PRDM2: variants seen among roughly 807,000 people sequenced by gnomAD.
PRDM2 encodes the protein PR/SET domain 2.
A neutral mutation model predicts 130.0 loss-of-function variants in PRDM2; 30 were observed. That is an observed-to-expected ratio of 0.23 (90% confidence interval 0.17 to 0.31). PRDM2 has a LOEUF of 0.31. Among genes scored for constraint, PRDM2 ranks in the 10% least tolerant of loss-of-function variants. The pLI, the probability that PRDM2 is intolerant of heterozygous loss-of-function variation, is 1.00. For synonymous variants in PRDM2, 871 were observed against 782.4 expected, an observed-to-expected ratio of 1.11 and a Z score of -1.89; for missense variants, 2,011 against 2,108.4, an observed-to-expected ratio of 0.95 and a Z score of 0.90.
intron 6 of PRDM2, among the ~76,000 whole-genome samples, chr1:13,754,589 T>G (rs1643905421): frequency 6.6e-6 from 1 of 152,238 alleles, no homozygotes; most frequent in South Asian, 2.1e-4. Context: ...AAAGTTGAAC[T>G]TAGAGAATAC....
At position 13,778,990 on chromosome 1, in the gene PRDM2, T is replaced by C; in HGVS notation, c.1195T>C (p.Phe399Leu). 1 of 1,614,208 alleles carries C rather than the reference T, an allele frequency of 6.2e-7. No individual in the cohort carries two copies. Among genetic ancestry groups the C allele is most frequent in the Non-Finnish European group, 8.5e-7 (1 of 1,180,020 alleles). Reference sequence around the variant, plus strand: ...CAAATGCAAGTACTGTGGGAAAGCCTTTGGCACACAGATTAACCGGCGGCG... The same window carrying C: ...CAAATGCAAGTACTGTGGGAAAGCCCTTGGCACACAGATTAACCGGCGGCG... ...AFKCKYCGKA[F>L]GTQINRRRHE... is the part of the protein sequence containing the mutation. The change falls in exon 8 of 10, where the codon TTT becomes CTT. Residue 399 changes from phenylalanine to leucine, a missense_variant. Transcript: ENST00000311066.
intron 7 of PRDM2, among the ~76,000 whole-genome samples, chr1:13,774,946 CGACA>C (rs761268912): frequency 3.2e-4 from 47 of 147,610 alleles, no homozygotes; most frequent in Non-Finnish European, 5.9e-4. Flanking sequence ...CCAGCCTGGG[CGACA>C]GAGCGAGACT....
intron 8 of PRDM2, among the ~76,000 whole-genome samples, chr1:13,798,049 C>A (rs2100723725): frequency 6.6e-6 from 1 of 152,184 alleles, no homozygotes; most frequent in South Asian, 2.1e-4. Context: ...GAGTCAGGGG[C>A]AGCTCAGGAG....
intron 6 of PRDM2, among the ~76,000 whole-genome samples, chr1:13,759,134 G>T (rs1167497984): frequency 6.6e-6 from 1 of 150,676 alleles, no homozygotes; most frequent in Non-Finnish European, 1.5e-5. Context: ...AACTAATTCA[G>T]CATTGCTTAG....
At chr1:13,756,994 A>G (rs1158920615) in intron 6 of PRDM2, among the ~76,000 whole-genome samples, 1 of 152,252 alleles carries the variant, frequency 6.6e-6, no homozygotes, top group Non-Finnish European at 1.5e-5. Context: ...TGATGTTTCT[A>G]AGTAGGACAG....
At chr1:13,754,360 G>A (rs1379229685) in intron 6 of PRDM2, among the ~76,000 whole-genome samples, 2 of 152,124 alleles carry the variant, frequency 1.3e-5, no homozygotes, top group South Asian at 2.1e-4. Context: ...TGACAGCCAC[G>A]CACAGGTCAG....
intron 8 of PRDM2, among the ~76,000 whole-genome samples, chr1:13,784,214 A>T (rs1644686637): frequency 6.6e-6 from 1 of 152,174 alleles, no homozygotes; most frequent in Non-Finnish European, 1.5e-5. Context: ...GAAAATAAGC[A>T]CCTGTGTTAT....
intron 6 of PRDM2, among the ~76,000 whole-genome samples, chr1:13,767,922 A>G (rs1644265818): frequency 6.6e-6 from 1 of 152,084 alleles, no homozygotes; most frequent in African/African-American, 2.4e-5. Context: ...GCTGCAGTGA[A>G]TCGAGATCAT....
Position 13,771,823 on chromosome 1 carries a change from A to G in PRDM2, c.512-1255A>G, listed in dbSNP as rs950175119. 1.3e-5 allele frequency: 2 copies of G among 152,178 alleles called. No individual in the cohort carries two copies. 9.4% of individuals were successfully genotyped at this position (152,178 alleles called of 1,614,324 possible). A position where few individuals can be genotyped will look rare whatever the true frequency, so the allele number is the denominator to read the frequency against. Reference sequence around the variant, plus strand: ...AATGACTGTTAAGGTTATGTCTCAAATTTTTGTCAAAATCTGGTGGTGTTT... The same window carrying G: ...AATGACTGTTAAGGTTATGTCTCAAGTTTTTGTCAAAATCTGGTGGTGTTT... On this transcript the variant is annotated intron_variant, in intron 6 of 9. Transcript: ENST00000311066. The surrounding 1 kb of genome is among the most constrained non-coding windows in gnomAD (Gnocchi z 4.1).
intron 8 of PRDM2, among the ~76,000 whole-genome samples, chr1:13,786,270 T>G (rs16852955): frequency 0.021 from 2,731 of 130,196 alleles, 84 homozygotes; most frequent in African/African-American, 0.069. Flanking sequence ...AGGAATTGAT[T>G]TAAAAAAAAA....
At chr1:13,707,306 T>A (rs1022318635) in intron 1 of PRDM2, among the ~76,000 whole-genome samples, 19 of 151,136 alleles carry the variant, frequency 1.3e-4, no homozygotes, top group Non-Finnish European at 2.2e-4. Context: ...AATTCACAAA[T>A]CTTTTGCAGG....
intron 6 of PRDM2, among the ~76,000 whole-genome samples, chr1:13,764,289 T>G (rs527599515): frequency 6.6e-6 from 1 of 152,324 alleles, no homozygotes; most frequent in Non-Finnish European, 1.5e-5. Flanking sequence ...TGTAGTTGCC[T>G]CGTCACTATT....
rs1038575705 is a variant in PRDM2, at chr1:13,752,683, A to G, written c.511+3196A>G. 1.3e-4 allele frequency among the ~76,000 whole-genome samples: 20 copies of G among 152,162 alleles called. No homozygotes were observed. The East Asian group carries it at 3.5e-3, about 26-fold the overall frequency. On this transcript the variant is annotated intron_variant, in intron 6 of 9. Transcript: ENST00000311066. Reference sequence around the variant, plus strand: ...GTGTTTTCCCTGCTCTCTCAGTTACATAAGAGCCTTAACCTGAAGTTCTTT... The same window carrying G: ...GTGTTTTCCCTGCTCTCTCAGTTACGTAAGAGCCTTAACCTGAAGTTCTTT...
chr1:13,707,137 C>G (rs1642233617), intron 1 of PRDM2, among the ~76,000 whole-genome samples: 1 of 152,156 alleles, frequency 6.6e-6, no homozygotes, highest in Non-Finnish European at 1.5e-5. Context: ...AGCCTCCCCA[C>G]CATTTATGTG....
chr1:13,726,929 G>A (rs545023157), intron 2 of PRDM2, among the ~76,000 whole-genome samples: 4 of 152,138 alleles, frequency 2.6e-5, no homozygotes, highest in African/African-American at 9.7e-5. Flanking sequence ...CAGCTGGGGT[G>A]CCTTGCGGAG....
intron 8 of PRDM2, among the ~76,000 whole-genome samples, chr1:13,793,911 G>A (rs990282034): frequency 1.3e-5 from 2 of 152,184 alleles, no homozygotes; most frequent in South Asian, 2.1e-4. Context: ...GCTGCAGGTC[G>A]GACAAGCTTG....
chr1:13,726,608 T>A (rs1642925436), intron 2 of PRDM2, among the ~76,000 whole-genome samples: 1 of 152,160 alleles, frequency 6.6e-6, no homozygotes, highest in Non-Finnish European at 1.5e-5. Context: ...TCTTTGAGTT[T>A]GAGGTAGGAA....
At chr1:13,745,000 T>G (rs1361879576) in intron 5 of PRDM2, among the ~76,000 whole-genome samples, 2 of 152,202 alleles carry the variant, frequency 1.3e-5, no homozygotes, top group Non-Finnish European at 2.9e-5. Flanking sequence ...TTAGAAATGA[T>G]TTAAAATTCC....
At chr1:13,805,844 G>A (rs541280651) in intron 8 of PRDM2, among the ~76,000 whole-genome samples, 35 of 152,228 alleles carry the variant, frequency 2.3e-4, no homozygotes, top group African/African-American at 7.7e-4. Context: ...TGCCCATGGC[G>A]GTCTGGCAGG....
Sources: gnomAD v4.1 joint callset for allele counts (sites outside exome capture counted in the v4.1 genomes callset) on GRCh38, gnomAD v4.1.1 for gene constraint, Gnocchi (gnomAD v3.1) non-coding constraint, MANE v1.5 for transcripts, NCBI Gene and HGNC (gene_info 2026-07-23, HGNC 2026-07-21) for gene names.